SRGAP3: variants seen among roughly 807,000 people sequenced by gnomAD.
The protein encoded by SRGAP3 is SLIT-ROBO Rho GTPase activating protein 3.
SRGAP3 carries 39 observed loss-of-function variants against 121.1 expected under a neutral mutation model. The ratio of observed to expected loss-of-function variants is 0.32; its 90% CI spans 0.25 to 0.42. The LOEUF (loss-of-function observed/expected upper bound fraction) is 0.42. Among genes scored for constraint, SRGAP3 ranks in the 10% least tolerant of loss-of-function variants. The probability of loss-of-function intolerance (pLI) is 1.00; values close to 1 mark genes in which losing one functional copy is unlikely to be tolerated. For missense variants in SRGAP3, 1,213 were observed against 1,470.6 expected (o/e 0.82, Z 2.86); for synonymous variants, 601 against 570.0 (o/e 1.05, Z -0.77).
intron 1 of SRGAP3, among the ~76,000 whole-genome samples, chr3:9,358,814 G>A (rs2030653014): frequency 6.6e-6 from 1 of 152,140 alleles, no homozygotes; most frequent in South Asian, 2.1e-4. Context: ...TATTACAAAG[G>A]ATACAGATGA....
chr3:9,257,698 C>CTTTTTTTTTTTT (rs386395913), intron 3 of SRGAP3, among the ~76,000 whole-genome samples: 746 of 73,246 alleles, frequency 0.01, 179 homozygotes, highest in Non-Finnish European at 0.015. Flanking sequence ...AAAATAGCTC[C>CTTTTTTTTTTTT]TTTTTTTTTT....
intron 19 of SRGAP3, chr3:8,993,851 T>A (rs1362838660): frequency 1.2e-5 from 2 of 173,552 alleles, no homozygotes; most frequent in African/African-American, 4.8e-5. Context: ...AAGTGCAGAC[T>A]TTTTGTGGTA....
chr3:9,312,635 C>T (rs961385864), intron 3 of SRGAP3, among the ~76,000 whole-genome samples: 2 of 152,146 alleles, frequency 1.3e-5, no homozygotes, highest in Non-Finnish European at 2.9e-5. Context: ...AACTGATGAG[C>T]ATGGGAGAGA....
rs1179123970 is a variant in SRGAP3, at chr3:9,249,399, C to T, written c.-448G>A. On this transcript the variant is annotated 5_prime_UTR_variant, in exon 1 of 22. It adds an upstream start codon to the 5' untranslated region. Coordinates refer to ENST00000383836, the MANE Select transcript of SRGAP3 (RefSeq NM_014850.4). ...ACACACACCCTCACACGCACACACA[C>T]TCGCTGGATCACTCACACACACACA... 3.5e-6 allele frequency: 1 copy of T among 282,538 alleles called. No individual in the cohort carries two copies. Among genetic ancestry groups the T allele is most frequent in the Non-Finnish European group, 6.8e-6 (1 of 147,332 alleles). 17.5% of individuals were successfully genotyped at this position (282,538 alleles called of 1,614,324 possible).
intron 1 of SRGAP3, among the ~76,000 whole-genome samples, chr3:9,127,591 G>A (rs1364026269): frequency 6.6e-6 from 1 of 152,160 alleles, no homozygotes; most frequent in African/African-American, 2.4e-5. Context: ...GGGACGACAG[G>A]TGCGCACCAC....
intron 3 of SRGAP3, among the ~76,000 whole-genome samples, chr3:9,088,169 C>A (rs958781875): frequency 3.9e-5 from 6 of 152,148 alleles, no homozygotes; most frequent in Non-Finnish European, 5.9e-5. Flanking sequence ...ATAATGTATT[C>A]GCTCTCACTG....
At chr3:9,256,530 A>T (rs927523367) in intron 3 of SRGAP3, among the ~76,000 whole-genome samples, 2 of 151,910 alleles carry the variant, frequency 1.3e-5, no homozygotes, top group Non-Finnish European at 2.9e-5. Context: ...TAAAGCTTAC[A>T]CTTTGAGAAG....
At chr3:9,243,625 A>T (rs1234532757) in intron 1 of SRGAP3, among the ~76,000 whole-genome samples, 1 of 141,754 alleles carries the variant, frequency 7.1e-6, no homozygotes, top group Non-Finnish European at 1.5e-5. Flanking sequence ...ACAGAGAGAG[A>T]CTCTGTCTTA....
chr3:9,123,707 AATAT>A (rs368589354), intron 2 of SRGAP3, among the ~76,000 whole-genome samples: 1 of 137,692 alleles, frequency 7.3e-6, no homozygotes, highest in African/African-American at 2.8e-5. Flanking sequence ...TCTGTCTCAA[AATAT>A]ATATATATAT....
intron 1 of SRGAP3, among the ~76,000 whole-genome samples, chr3:9,358,740 T>C (rs2648539): frequency 0.61 from 92,008 of 152,024 alleles, 28,008 homozygotes; most frequent in South Asian, 0.76. Context: ...TTGGGTTCAA[T>C]TGATTTGCTG....
In SRGAP3 at chr3:9,124,838, G is replaced by A. The variant is rs1264747752; in HGVS notation, c.147C>T (p.Leu49=). Residue 49 remains leucine (L), a synonymous_variant, in exon 2 of 22, where the codon CTC becomes CTT. Coordinates refer to ENST00000383836, the MANE Select transcript of SRGAP3 (RefSeq NM_014850.4). ...CAGCTTTCCGGCGGAAAAACTCCTG[G>A]AGGTCTTGAAGCAGCTGCAGTCGCG... ...SESRLQLLQD[L]QEFFRRKAEI... is the part of the protein sequence containing the mutation. 3.7e-6 allele frequency: 6 copies of A among 1,614,098 alleles called. No individual in the cohort carries two copies. Among genetic ancestry groups the A allele is most frequent in the Middle Eastern group, 1.6e-4 (1 of 6,084 alleles).
intron 3 of SRGAP3, among the ~76,000 whole-genome samples, chr3:9,322,283 G>A (rs1024604252): frequency 6.6e-6 from 1 of 151,960 alleles, no homozygotes; most frequent in Admixed American, 6.5e-5. Flanking sequence ...ATTTGGGTAC[G>A]TGAGATGGAT....
chr3:9,175,391 C>A (rs1276560538), intron 1 of SRGAP3, among the ~76,000 whole-genome samples: 1 of 152,196 alleles, frequency 6.6e-6, no homozygotes, highest in Admixed American at 6.5e-5. Context: ...ATTCCTAGCA[C>A]AAGCCAGGGC....
chr3:9,104,792 T>G lies in SRGAP3; in HGVS notation c.311A>C (p.His104Pro). ...SPVNCWYLVLHQTRRESRDHA... is the reference protein window; with the variant it reads ...SPVNCWYLVLPQTRRESRDHA... Reference sequence around the variant, plus strand: ...GTCTCGGCTCTCCCGCCGGGTCTGATGCAGAACCAGATACCAACAGTTCAC... The same window carrying G: ...GTCTCGGCTCTCCCGCCGGGTCTGAGGCAGAACCAGATACCAACAGTTCAC... Residue 104 changes from histidine (H) to proline (P), a missense_variant, in exon 3 of 22, where the codon CAT (histidine) becomes CCT (proline). Transcript: ENST00000383836. 1 of 1,614,254 alleles carries G rather than the reference T, an allele frequency of 6.2e-7. No individual in the cohort carries two copies. The highest frequency in any genetic ancestry group is 8.5e-7 in the Non-Finnish European group (1 of 1,180,044).
chr3:9,357,072 G>A (rs1019013195), intron 1 of SRGAP3, among the ~76,000 whole-genome samples: 1 of 151,932 alleles, frequency 6.6e-6, no homozygotes, highest in Non-Finnish European at 1.5e-5. Context: ...AGACCAGCCT[G>A]GGCAACATGG....
At chr3:9,102,429 C>T (rs7621260) in intron 3 of SRGAP3, among the ~76,000 whole-genome samples, 4,570 of 152,300 alleles carry the variant, frequency 0.03, 222 homozygotes, top group African/African-American at 0.1. Flanking sequence ...CTGGGTTCTC[C>T]TTGCAGCCTC....
At chr3:9,048,095 G>A (rs540831293) in intron 9 of SRGAP3, among the ~76,000 whole-genome samples, 6 of 152,352 alleles carry the variant, frequency 3.9e-5, no homozygotes, top group South Asian at 2.1e-4. Context: ...AAGGTCCCAC[G>A]GAAAGTCAGC....
At chr3:9,287,512 T>C (rs1219795562) in intron 3 of SRGAP3, among the ~76,000 whole-genome samples, 1 of 152,220 alleles carries the variant, frequency 6.6e-6, no homozygotes, top group African/African-American at 2.4e-5. Context: ...GATATTTTAG[T>C]GGTTTCTCCC....
intron 1 of SRGAP3, among the ~76,000 whole-genome samples, chr3:9,161,564 C>G (rs534932935): frequency 6.6e-6 from 1 of 152,344 alleles, no homozygotes; most frequent in African/African-American, 2.4e-5. Context: ...GACTGGCTCC[C>G]TTGGGCACTC....
Sources: gnomAD v4.1 joint callset for allele counts (sites outside exome capture counted in the v4.1 genomes callset) on GRCh38, gnomAD v4.1.1 for gene constraint, MANE v1.5 for transcripts, NCBI Gene and HGNC (gene_info 2026-07-23, HGNC 2026-07-21) for gene names.